The following POU5F2 variants were observed in gnomAD, a reference collection of about 807,000 sequenced individuals.
The protein encoded by POU5F2 is POU domain class 5, transcription factor 2.
For synonymous variants in POU5F2, 191 were observed against 178.7 expected, an observed-to-expected ratio of 1.07 and a Z score of -0.55; for missense variants, 401 against 426.6, an observed-to-expected ratio of 0.94 and a Z score of 0.53.
rs373683796 is a variant in POU5F2 at position 93,736,728 on chromosome 5, T to C, written c.*3849A>G. Reference sequence around the variant, plus strand: ...TCATATTTCCCTTAAGCATTTTTCATTTATTCCAGAGAAACTGTCAAAAAC... The same window carrying C: ...TCATATTTCCCTTAAGCATTTTTCACTTATTCCAGAGAAACTGTCAAAAAC... On this transcript the variant is annotated 3_prime_UTR_variant, in exon 1 of 1. Coordinates refer to ENST00000606183, the MANE Select transcript of POU5F2 (RefSeq NM_153216.2). The C allele has an allele frequency of 6.6e-5, 10 of 152,306 alleles. No homozygotes were observed. The East Asian group carries it at 1.4e-3, about 21-fold the overall frequency. The allele number at this position is 152,306 out of a possible 1,614,324, so 9.4% of individuals were successfully genotyped here. A position where few individuals can be genotyped will look rare whatever the true frequency, so the allele number is the denominator to read the frequency against.
Position 93,738,771 on chromosome 5 carries a change from G to A in POU5F2, c.*1806C>T, listed in dbSNP as rs377288162. 1 of 152,210 alleles carries A rather than the reference G, an allele frequency of 6.6e-6. No homozygotes were observed. The highest frequency in any genetic ancestry group is 1.5e-5 in the Non-Finnish European group (1 of 68,068). 9.4% of individuals were successfully genotyped at this position (152,210 alleles called of 1,614,324 possible). Reference sequence around the variant, plus strand: ...TTAGAACTGGCAAATTCACAGAAAGGTTACCAGGGGTAGGGGATAGGGGAA... The same window carrying A: ...TTAGAACTGGCAAATTCACAGAAAGATTACCAGGGGTAGGGGATAGGGGAA... On this transcript the variant is annotated 3_prime_UTR_variant, in exon 1 of 1. Transcript: ENST00000606183.
At position 93,739,784 on chromosome 5, in the gene POU5F2, C is replaced by T. The variant is rs1477012064; in HGVS notation, c.*793G>A. The T allele has an allele frequency of 6.6e-6, 1 of 152,028 alleles. No individual in the cohort carries two copies. Among genetic ancestry groups the T allele is most frequent in the Non-Finnish European group, 1.5e-5 (1 of 68,006 alleles). 9.4% of individuals were successfully genotyped at this position (152,028 alleles called of 1,614,324 possible). A position where few individuals can be genotyped will look rare whatever the true frequency, so the allele number is the denominator to read the frequency against. Reference sequence around the variant, plus strand: ...AGATCAAGAGAAAGTAAGGGAAATTCCCAGGGAACCAAATAGAGGTGAAAA... The same window carrying T: ...AGATCAAGAGAAAGTAAGGGAAATTTCCAGGGAACCAAATAGAGGTGAAAA... On this transcript the variant is annotated 3_prime_UTR_variant, in exon 1 of 1. Transcript: ENST00000606183.
chr5:93,740,462 G>C lies in POU5F2; in HGVS notation c.*115C>G. The C allele has an allele frequency of 1.7e-6, 2 of 1,155,180 alleles. No individual in the cohort carries two copies. Among genetic ancestry groups the C allele is most frequent in the Non-Finnish European group, 2.4e-6 (2 of 816,864 alleles). The allele number at this position is 1,155,180 out of a possible 1,614,324, so 71.6% of individuals were successfully genotyped here. A position where few individuals can be genotyped will look rare whatever the true frequency, so the allele number is the denominator to read the frequency against. On this transcript the variant is annotated 3_prime_UTR_variant, in exon 1 of 1. Coordinates refer to ENST00000606183, the MANE Select transcript of POU5F2 (RefSeq NM_153216.2). ...CTACTATGTATCCTTAACTTCTTTA[G>C]ACAGTGAATGAGAAATTAATACTAA...
the POU5F2 span, chr5:93,740,826 GC>G: frequency 6.2e-7 from 1 of 1,613,820 alleles, no homozygotes; most frequent in Non-Finnish European, 8.5e-7. Flanking sequence ...GCAGCTGGAG[GC>G]ACCCAGCAAT....
chr5:93,741,342 G>A lies in POU5F2; in HGVS notation c.222C>T (p.Gly74=), dbSNP rs1748415528. 6.2e-7 allele frequency: 1 copy of A among 1,611,508 alleles called. No homozygotes were observed. Among genetic ancestry groups the A allele is most frequent in the Non-Finnish European group, 8.5e-7 (1 of 1,178,546 alleles). The change falls in exon 1 of 1, where the codon GGC becomes GGT. Residue 74 remains glycine (G), a synonymous_variant. Coordinates refer to ENST00000606183, the MANE Select transcript of POU5F2 (RefSeq NM_153216.2). ...PLGPLPHEFR[G]WIAPCRPRLG... ...GACGGGGCCTGCAGGGTGCTATCCAGCCCCGGAATTCGTGTGGCAGGGGAC... is the reference window on the plus strand; with the variant it reads ...GACGGGGCCTGCAGGGTGCTATCCAACCCCGGAATTCGTGTGGCAGGGGAC...
chr5:93,737,819 C>T lies in POU5F2; in HGVS notation c.*2758G>A, dbSNP rs187944313. On this transcript the variant is annotated 3_prime_UTR_variant, in exon 1 of 1. Coordinates refer to ENST00000606183, the MANE Select transcript of POU5F2 (RefSeq NM_153216.2). ...ATGAAGTTGGGCACTTACCTCATACCGTATACAAAAATTAACTTGAAATGG... is the reference window on the plus strand; with the variant it reads ...ATGAAGTTGGGCACTTACCTCATACTGTATACAAAAATTAACTTGAAATGG... The T allele has an allele frequency of 3.3e-5, 13 of 398,878 alleles. No individual in the cohort carries two copies. The highest frequency in any genetic ancestry group is 1.5e-4 in the East Asian group (2 of 12,936). 24.7% of individuals were successfully genotyped at this position (398,878 alleles called of 1,614,324 possible). A position where few individuals can be genotyped will look rare whatever the true frequency, so the allele number is the denominator to read the frequency against.
Position 93,740,663 on chromosome 5 carries a change from C to A in POU5F2, c.901G>T (p.Asp301Tyr), listed in dbSNP as rs903509755. 7 of 1,613,790 alleles carry A rather than the reference C, an allele frequency of 4.3e-6. No homozygotes were observed. In the African/African-American group the frequency reaches 6.7e-5, roughly 15 times the overall value. ...TAGAGACGTGTATAGTGGGGGATAT[C>A]CACTGGGAGCCCCAGTCCCAGGTGA... ...CFHLGLGLPV[D>Y]IPHYTRLYSA... is the part of the protein sequence containing the mutation. Residue 301 changes from aspartate (D) to tyrosine (Y), a missense_variant, in exon 1 of 1, where the codon GAT (aspartate) becomes TAT (tyrosine). Coordinates refer to ENST00000606183, the MANE Select transcript of POU5F2 (RefSeq NM_153216.2).
In POU5F2 at chr5:93,740,733, A is replaced by G; in HGVS notation, c.831T>C (p.Ile277=). 6.2e-7 allele frequency: 1 copy of G among 1,612,982 alleles called. No homozygotes were observed. The highest frequency in any genetic ancestry group is 8.5e-7 in the Non-Finnish European group (1 of 1,179,414). ...GGCAAGGAGGCCCGGCTGTCCCCAC[A>G]ATCTCCCGTGGGGAAGCATCATTGG... is the stretch of plus-strand genomic sequence containing the variant. The part of the protein sequence containing the change: ...RPTNDASPRE[I]VGTAGPPCPG... Residue 277 remains isoleucine, a synonymous_variant, in exon 1 of 1, where the codon ATT becomes ATC. Coordinates refer to ENST00000606183, the MANE Select transcript of POU5F2 (RefSeq NM_153216.2).
rs1305715905 is a variant in POU5F2 at position 93,733,364 on chromosome 5, C to G, written c.*7213G>C. 6.6e-6 allele frequency: 1 copy of G among 152,040 alleles called. No individual in the cohort carries two copies. Among genetic ancestry groups the G allele is most frequent in the African/African-American group, 2.4e-5 (1 of 41,378 alleles). The allele number at this position is 152,040 out of a possible 1,614,324, so 9.4% of individuals were successfully genotyped here. ...TACAGGCATGCATCACCACACGCAG[C>G]TAACTTTTGTATTTTTAGTAGAGAT... On this transcript the variant is annotated 3_prime_UTR_variant, in exon 1 of 1. Transcript: ENST00000606183.
rs1304009162 is a variant in POU5F2, at chr5:93,740,462, G to T, written c.*115C>A. 7.8e-6 allele frequency: 9 copies of T among 1,155,058 alleles called. No individual in the cohort carries two copies. In the African/African-American group the frequency reaches 1.1e-4, roughly 14 times the overall value. 71.6% of individuals were successfully genotyped at this position (1,155,058 alleles called of 1,614,324 possible). On this transcript the variant is annotated 3_prime_UTR_variant, in exon 1 of 1. Coordinates refer to ENST00000606183, the MANE Select transcript of POU5F2 (RefSeq NM_153216.2). ...CTACTATGTATCCTTAACTTCTTTA[G>T]ACAGTGAATGAGAAATTAATACTAA...
chr5:93,737,223 A>C lies in POU5F2; in HGVS notation c.*3354T>G, dbSNP rs1030054167. ...ATCCAAAAGAATAAAATGCCCACAA[A>C]TAACTTTAAGAAAGTGAAAGGCTTG... On this transcript the variant is annotated 3_prime_UTR_variant, in exon 1 of 1. Transcript: ENST00000606183. The C allele has an allele frequency of 6.9e-6, 1 of 145,670 alleles. No homozygotes were observed. Among genetic ancestry groups the C allele is most frequent in the African/African-American group, 2.6e-5 (1 of 38,604 alleles). The allele number at this position is 145,670 out of a possible 1,614,324, so 9.0% of individuals were successfully genotyped here. A position where few individuals can be genotyped will look rare whatever the true frequency, so the allele number is the denominator to read the frequency against.
rs1747768952 is a variant in POU5F2 at position 93,738,796 on chromosome 5, A to G, written c.*1781T>C. 6.6e-6 allele frequency: 1 copy of G among 152,264 alleles called. No individual in the cohort carries two copies. The highest frequency in any genetic ancestry group is 2.4e-5 in the African/African-American group (1 of 41,468). The allele number at this position is 152,264 out of a possible 1,614,324, so 9.4% of individuals were successfully genotyped here. ...GTTACCAGGGGTAGGGGATAGGGGA[A>G]TGGAGTTATTGCTTAATGAGAAGAG... On this transcript the variant is annotated 3_prime_UTR_variant, in exon 1 of 1. Transcript: ENST00000606183.
rs1378487996 is a variant in POU5F2, at chr5:93,740,356, A to C, written c.*221T>G. On this transcript the variant is annotated 3_prime_UTR_variant, in exon 1 of 1. Coordinates refer to ENST00000606183, the MANE Select transcript of POU5F2 (RefSeq NM_153216.2). ...TGTACCTTTAAACCAATGCTAGGGA[A>C]AAACAAAGGGAAAACACAAAACTGC... is the stretch of plus-strand genomic sequence containing the variant. 1 of 536,228 alleles carries C rather than the reference A, an allele frequency of 1.9e-6. No homozygotes were observed. The highest frequency in any genetic ancestry group is 1.9e-5 in the African/African-American group (1 of 53,218). 33.2% of individuals were successfully genotyped at this position (536,228 alleles called of 1,614,324 possible). A position where few individuals can be genotyped will look rare whatever the true frequency, so the allele number is the denominator to read the frequency against.
chr5:93,738,311 A>G lies in POU5F2; in HGVS notation c.*2266T>C, dbSNP rs1747650388. ...TAAAAAATAACAAGTGTTGCCAGGG[A>G]TATGGAAAAACTAGAACTCTTGTAG... On this transcript the variant is annotated 3_prime_UTR_variant, in exon 1 of 1. Transcript: ENST00000606183. 6.5e-6 allele frequency: 1 copy of G among 153,146 alleles called. No homozygotes were observed. The highest frequency in any genetic ancestry group is 6.5e-5 in the Admixed American group (1 of 15,316). 9.5% of individuals were successfully genotyped at this position (153,146 alleles called of 1,614,324 possible). A position where few individuals can be genotyped will look rare whatever the true frequency, so the allele number is the denominator to read the frequency against.
Position 93,741,295 on chromosome 5 carries a change from T to C in POU5F2, c.269A>G (p.Asp90Gly), listed in dbSNP as rs750583821. ...RPRLGASEAG[D>G]WLRRPSEGAL... ...GCCTTCGGAGGGGCGTCGCAACCAG[T>C]CCCCTGCCTCACTAGCTCCAAGACG... Residue 90 changes from aspartate to glycine, a missense_variant, in exon 1 of 1, where the codon GAC (aspartate) becomes GGC (glycine). Transcript: ENST00000606183. The C allele has an allele frequency of 2.8e-5, 45 of 1,613,396 alleles. No individual in the cohort carries two copies. The highest frequency in any genetic ancestry group is 3.7e-5 in the Non-Finnish European group (44 of 1,179,752).
the POU5F2 span, chr5:93,741,098 CA>C: frequency 6.2e-7 from 1 of 1,613,866 alleles, no homozygotes; most frequent in Non-Finnish European, 8.5e-7. Flanking sequence ...AGCACCTTCC[CA>C]AACAGAGCTC....
Position 93,739,792 on chromosome 5 carries a change from A to T in POU5F2, c.*785T>A, listed in dbSNP as rs1008922497. 1.3e-5 allele frequency: 2 copies of T among 152,110 alleles called. No homozygotes were observed. Among genetic ancestry groups the T allele is most frequent in the African/African-American group, 4.8e-5 (2 of 41,418 alleles). The allele number at this position is 152,110 out of a possible 1,614,324, so 9.4% of individuals were successfully genotyped here. A position where few individuals can be genotyped will look rare whatever the true frequency, so the allele number is the denominator to read the frequency against. ...AGAAAGTAAGGGAAATTCCCAGGGAACCAAATAGAGGTGAAAACAGGAGGA... is the reference window on the plus strand; with the variant it reads ...AGAAAGTAAGGGAAATTCCCAGGGATCCAAATAGAGGTGAAAACAGGAGGA... On this transcript the variant is annotated 3_prime_UTR_variant, in exon 1 of 1. Coordinates refer to ENST00000606183, the MANE Select transcript of POU5F2 (RefSeq NM_153216.2).
At chr5:93,741,097 CCAAA>C in the POU5F2 span, 1 of 1,613,856 alleles carries the variant, frequency 6.2e-7, no homozygotes, top group Non-Finnish European at 8.5e-7. Context: ...AAGCACCTTC[CCAAA>C]CAGAGCTCCC....
rs1748335835 is a variant in POU5F2, at chr5:93,741,112, A to G, written c.452T>C (p.Val151Ala). Residue 151 changes from valine to alanine, a missense_variant, in exon 1 of 1, where the codon GTG becomes GCG. Physicochemically the swap from Val to Ala is moderately conservative, Grantham distance 64 (BLOSUM62 0). Coordinates refer to ENST00000606183, the MANE Select transcript of POU5F2 (RefSeq NM_153216.2). The stretch of plus-strand genomic sequence containing the variant: ...AAGCACCTTCCCAAACAGAGCTCCC[A>G]CAGCGATCCCCACATCGGCCTGCGA... ...GYSQADVGIA[V>A]GALFGKVLSQ... 2 of 1,613,822 alleles carry G rather than the reference A, an allele frequency of 1.2e-6. No homozygotes were observed. The highest frequency in any genetic ancestry group is 1.7e-6 in the Non-Finnish European group (2 of 1,179,896).
Sources: gnomAD v4.1 joint callset for allele counts on GRCh38, gnomAD v4.1.1 for gene constraint, MANE v1.5 for transcripts, NCBI Gene and HGNC (gene_info 2026-07-23, HGNC 2026-07-21) for gene names.